SHB: variants seen among roughly 807,000 people sequenced by gnomAD.
SHB encodes the protein SH2 domain containing adaptor protein B.
A neutral mutation model predicts 52.3 loss-of-function variants in SHB; 20 were observed. The ratio of observed to expected loss-of-function variants is 0.38; its 90% CI spans 0.27 to 0.56. The LOEUF is 0.56. Ranked by LOEUF, SHB falls within the 20% of genes least tolerant of loss-of-function variation. The probability of loss-of-function intolerance (pLI) is 0.71; values close to 1 mark genes in which losing one functional copy is unlikely to be tolerated. For missense variants in SHB, 825 were observed against 723.3 expected (o/e 1.14, Z -1.61); for synonymous variants, 397 against 316.5 (o/e 1.25, Z -2.70).
Position 37,971,646 on chromosome 9 carries a change from C to A in SHB, c.1054+2976G>T, listed in dbSNP as rs544467494. The stretch of plus-strand genomic sequence containing the variant: ...CAGAGGCCAGTGACCGGATGAGACA[C>A]AGACGTGGATGTGATTCTCTGTCTA... On this transcript the variant is annotated intron_variant, in intron 3 of 5. Coordinates refer to ENST00000377707, the MANE Select transcript of SHB (RefSeq NM_003028.3). Among the ~76,000 whole-genome samples, 3 of 152,302 alleles carry A rather than the reference C, an allele frequency of 2.0e-5. No individual in the cohort carries two copies. The East Asian group carries it at 5.8e-4, about 29-fold the overall frequency.
intron 2 of SHB, among the ~76,000 whole-genome samples, chr9:37,990,914 A>G (rs1587232771): frequency 1.3e-5 from 2 of 152,394 alleles, no homozygotes; most frequent in South Asian, 2.1e-4. Context: ...GTTTGTAGAT[A>G]CGCACAGATG....
chr9:37,922,653 G>A (rs1176404696), intron 5 of SHB, among the ~76,000 whole-genome samples: 1 of 152,180 alleles, frequency 6.6e-6, no homozygotes, highest in East Asian at 1.9e-4. Flanking sequence ...GGCAGAGCTG[G>A]GACCAGCACT....
chr9:37,935,414 G>A (rs375217130), intron 5 of SHB, among the ~76,000 whole-genome samples: 4 of 152,206 alleles, frequency 2.6e-5, no homozygotes, highest in Non-Finnish European at 5.9e-5. Context: ...ACGGGCACAC[G>A]GCTTGCTCTC....
chr9:38,022,125 AAC>A (rs1295892153), intron 1 of SHB, among the ~76,000 whole-genome samples: 2 of 152,152 alleles, frequency 1.3e-5, no homozygotes, highest in Non-Finnish European at 1.5e-5. Flanking sequence ...TAATTTCCTT[AAC>A]AGTTTGGGGG....
intron 3 of SHB, among the ~76,000 whole-genome samples, chr9:37,966,930 C>T (rs573508066): frequency 5.9e-5 from 9 of 152,286 alleles, no homozygotes; most frequent in East Asian, 1.9e-4. Context: ...TGACAAGTCA[C>T]GAGGGCAACA....
chr9:38,019,878 T>C (rs1329768928), intron 1 of SHB, among the ~76,000 whole-genome samples: 1 of 152,090 alleles, frequency 6.6e-6, no homozygotes. Flanking sequence ...TGTAACATTA[T>C]GCAGCAGGCT....
chr9:38,004,403 C>T (rs547137076), intron 2 of SHB, among the ~76,000 whole-genome samples: 13 of 152,196 alleles, frequency 8.5e-5, no homozygotes, highest in East Asian at 1.9e-4. Flanking sequence ...GGAAGGGCCG[C>T]GGTGGAGCTG....
intron 5 of SHB, among the ~76,000 whole-genome samples, chr9:37,937,836 G>A (rs1238836952): frequency 6.6e-6 from 1 of 152,154 alleles, no homozygotes; most frequent in Non-Finnish European, 1.5e-5. Flanking sequence ...TGGGACTTCT[G>A]GGGGCTCTAC....
chr9:38,000,381 T>C (rs974980147), intron 2 of SHB, among the ~76,000 whole-genome samples: 5 of 152,176 alleles, frequency 3.3e-5, no homozygotes, highest in African/African-American at 1.2e-4. Context: ...GGAATCCGCA[T>C]TTTCACCACT....
chr9:37,991,148 G>A (rs957505790), intron 2 of SHB, among the ~76,000 whole-genome samples: 1 of 152,194 alleles, frequency 6.6e-6, no homozygotes, highest in African/African-American at 2.4e-5. Flanking sequence ...ATCTGTGACA[G>A]CACTTGTTGA....
intron 1 of SHB, among the ~76,000 whole-genome samples, chr9:38,044,896 C>T (rs761917929): frequency 1.5e-4 from 23 of 152,190 alleles, no homozygotes; most frequent in Non-Finnish European, 2.5e-4. Context: ...TGACTGCTTC[C>T]GCCAGAGGTG....
At chr9:37,978,505 G>A (rs573699640) in intron 2 of SHB, among the ~76,000 whole-genome samples, 195 of 152,348 alleles carry the variant, frequency 1.3e-3, no homozygotes, top group African/African-American at 4.4e-3. Flanking sequence ...ATTATGTAGC[G>A]ACATGGGAAA....
intron 5 of SHB, among the ~76,000 whole-genome samples, chr9:37,927,472 T>A (rs1564080655): frequency 6.6e-6 from 1 of 152,100 alleles, no homozygotes; most frequent in African/African-American, 2.4e-5. Flanking sequence ...TTTCTCAAGC[T>A]CTAAGTTGGT....
chr9:37,992,445 T>C (rs1587233507), intron 2 of SHB, among the ~76,000 whole-genome samples: 1 of 152,278 alleles, frequency 6.6e-6, no homozygotes, highest in South Asian at 2.1e-4. Flanking sequence ...GGTCCAGCTT[T>C]AGAGAAGCTC....
At chr9:38,018,403 C>T (rs1399394692) in intron 1 of SHB, among the ~76,000 whole-genome samples, 1 of 151,950 alleles carries the variant, frequency 6.6e-6, no homozygotes, top group Non-Finnish European at 1.5e-5. Flanking sequence ...CACTTACTTC[C>T]GTTTCAGTAA....
chr9:37,968,148 C>A (rs974043733), intron 3 of SHB, among the ~76,000 whole-genome samples: 1 of 152,186 alleles, frequency 6.6e-6, no homozygotes, highest in African/African-American at 2.4e-5. Context: ...CAGCAAGCCC[C>A]CTCTGAACAC....
At chr9:38,021,301 T>C (rs933458310) in intron 1 of SHB, among the ~76,000 whole-genome samples, 15 of 148,410 alleles carry the variant, frequency 1.0e-4, no homozygotes, top group African/African-American at 2.7e-4. Flanking sequence ...GATCGCGCCA[T>C]TGCACTCCAG....
intron 1 of SHB, among the ~76,000 whole-genome samples, chr9:38,061,570 T>G (rs1821892612): frequency 6.6e-6 from 1 of 152,216 alleles, no homozygotes; most frequent in South Asian, 2.1e-4. Flanking sequence ...TGCTGACTGA[T>G]CAGAAGAAAC....
chr9:37,918,630 AAG>A lies in SHB; in HGVS notation c.*1189_*1190del, dbSNP rs752102074. 6.6e-6 allele frequency among the ~76,000 whole-genome samples: 1 copy of A among 152,156 alleles called. No individual in the cohort carries two copies. Among genetic ancestry groups the A allele is most frequent in the Non-Finnish European group, 1.5e-5 (1 of 68,036 alleles). ...CAGCAAGGCCATGCAGAACCAACGA[AAG>A]AGCATTGGCTGCAGAACCGCTCTGC... On this transcript the variant is annotated 3_prime_UTR_variant, in exon 6 of 6. Transcript: ENST00000377707.
Sources: gnomAD v4.1 joint callset for allele counts (sites outside exome capture counted in the v4.1 genomes callset) on GRCh38, gnomAD v4.1.1 for gene constraint, MANE v1.5 for transcripts, NCBI Gene and HGNC (gene_info 2026-07-23, HGNC 2026-07-21) for gene names.